TANC2: variants seen among roughly 807,000 people sequenced by gnomAD.
TANC2 encodes the protein protein TANC2.
In TANC2, 26 loss-of-function variants were observed where a neutral mutation model predicts 210.5. The ratio of observed to expected loss-of-function variants is 0.12; its 90% confidence interval spans 0.09 to 0.17. The LOEUF is 0.17. Among genes scored for constraint, TANC2 ranks in the 10% least tolerant of loss-of-function variants. TANC2 has a pLI of 1.00. For synonymous variants in TANC2, 931 were observed against 967.1 expected, an observed-to-expected ratio of 0.96 and a Z score of 0.69; for missense variants, 2,129 against 2,608.9, an observed-to-expected ratio of 0.82 and a Z score of 4.01.
chr17:63,398,451 G>A (rs1599033334), intron 18 of TANC2, among the ~76,000 whole-genome samples: 2 of 146,726 alleles, frequency 1.4e-5, no homozygotes, highest in Non-Finnish European at 3.0e-5. Flanking sequence ...ACGAGACCCT[G>A]TCTCAAAAAA....
chr17:63,130,920 G>A (rs2038893949), intron 4 of TANC2: 1 of 152,108 alleles, frequency 6.6e-6, no homozygotes, highest in Non-Finnish European at 1.5e-5. Context: ...TGTTTTTCAG[G>A]AATCCAAAAA....
At chr17:63,349,787 A>G (rs2046537476) in intron 12 of TANC2, among the ~76,000 whole-genome samples, 1 of 152,196 alleles carries the variant, frequency 6.6e-6, no homozygotes, top group African/African-American at 2.4e-5. Context: ...TTCAAAATCA[A>G]GAACATAACA....
chr17:63,266,725 T>G (rs2043539882), intron 8 of TANC2, among the ~76,000 whole-genome samples: 1 of 152,192 alleles, frequency 6.6e-6, no homozygotes, highest in South Asian at 2.1e-4. Context: ...AAGTATTTGG[T>G]GGCAAAACAT....
intron 5 of TANC2, among the ~76,000 whole-genome samples, chr17:63,165,342 G>T (rs2040176608): frequency 6.6e-6 from 1 of 152,142 alleles, no homozygotes; most frequent in South Asian, 2.1e-4. Flanking sequence ...TCAAATTGGA[G>T]ATACCTGGTT....
intron 15 of TANC2, among the ~76,000 whole-genome samples, chr17:63,385,169 G>T (rs1306632377): frequency 1.3e-5 from 2 of 152,188 alleles, no homozygotes; most frequent in African/African-American, 4.8e-5. Context: ...CTGAATAAAT[G>T]TCAGATTTCC....
intron 15 of TANC2, among the ~76,000 whole-genome samples, chr17:63,387,146 G>GTT: frequency 6.6e-6 from 1 of 152,166 alleles, no homozygotes; most frequent in South Asian, 2.1e-4. Flanking sequence ...CACTGCACCT[G>GTT]GCTGAAAATA....
intron 5 of TANC2, among the ~76,000 whole-genome samples, chr17:63,178,439 T>C (rs928327291): frequency 1.3e-5 from 2 of 152,256 alleles, no homozygotes; most frequent in African/African-American, 4.8e-5. Context: ...GAGCTCAGTT[T>C]TGGAAGGATG....
chr17:63,126,369 G>A (rs185355057), intron 4 of TANC2, among the ~76,000 whole-genome samples: 1 of 152,158 alleles, frequency 6.6e-6, no homozygotes, highest in African/African-American at 2.4e-5. Flanking sequence ...GATGTTAAGA[G>A]CCTTTACTCA....
chr17:63,021,113 A>G (rs770652305), intron 2 of TANC2, among the ~76,000 whole-genome samples: 8 of 152,172 alleles, frequency 5.3e-5, no homozygotes, highest in Non-Finnish European at 1.2e-4. Context: ...TATCCAAACC[A>G]TGTCACTGGA....
At chr17:63,064,602 C>A (rs1273170046) in intron 2 of TANC2, among the ~76,000 whole-genome samples, 2 of 152,064 alleles carry the variant, frequency 1.3e-5, no homozygotes, top group Non-Finnish European at 2.9e-5. Flanking sequence ...ATGATAAACT[C>A]CTTATAGAGC....
chr17:63,190,705 A>C (rs910740102), intron 5 of TANC2, among the ~76,000 whole-genome samples: 2 of 152,168 alleles, frequency 1.3e-5, no homozygotes, highest in African/African-American at 4.8e-5. Flanking sequence ...CCAAACCATG[A>C]ACATGGAAAA....
intron 9 of TANC2, among the ~76,000 whole-genome samples, chr17:63,313,791 C>T (rs2045211852): frequency 6.6e-6 from 1 of 152,108 alleles, no homozygotes. Flanking sequence ...TTACTATTCT[C>T]ATTGGTGTTT....
intron 5 of TANC2, among the ~76,000 whole-genome samples, chr17:63,186,965 T>C (rs1340984748): frequency 4.6e-5 from 7 of 152,248 alleles, no homozygotes; most frequent in African/African-American, 1.7e-4. Context: ...AGTTACAGAA[T>C]TCCATTCAAG....
At chr17:63,257,118 G>T in intron 8 of TANC2, among the ~76,000 whole-genome samples, 1 of 142,828 alleles carries the variant, frequency 7.0e-6, no homozygotes. Flanking sequence ...TGTGTCTTTT[G>T]ATTGCAGAGT....
chr17:63,147,286 G>T (rs1196332611), intron 4 of TANC2, among the ~76,000 whole-genome samples: 1 of 151,990 alleles, frequency 6.6e-6, no homozygotes, highest in African/African-American at 2.4e-5. Context: ...GAGGTTGCAG[G>T]TTGCAGTGAC....
intron 9 of TANC2, among the ~76,000 whole-genome samples, chr17:63,281,594 A>G (rs930063373): frequency 3.9e-5 from 6 of 152,118 alleles, no homozygotes; most frequent in Admixed American, 2.6e-4. Flanking sequence ...TGAGAGGAAC[A>G]TAACAGAATC....
intron 11 of TANC2, among the ~76,000 whole-genome samples, chr17:63,323,863 G>A (rs1377749685): frequency 1.3e-5 from 2 of 152,162 alleles, no homozygotes; most frequent in Non-Finnish European, 2.9e-5. Context: ...TTACAAATGA[G>A]GAAATAGAGG....
chr17:62,985,192 A>G (rs2032506579), intron 1 of TANC2, among the ~76,000 whole-genome samples: 1 of 151,866 alleles, frequency 6.6e-6, no homozygotes, highest in Admixed American at 6.6e-5. Context: ...AGTAATTTCA[A>G]TATATCATCT....
At chr17:63,133,033 G>T (rs1389358883) in intron 4 of TANC2, among the ~76,000 whole-genome samples, 1 of 152,194 alleles carries the variant, frequency 6.6e-6, no homozygotes, top group African/African-American at 2.4e-5. Flanking sequence ...GAGGGCAGTG[G>T]CGCAATCTCG....
Sources: allele counts gnomAD v4.1 joint callset (sites outside exome capture counted in the v4.1 genomes callset), GRCh38; gene constraint gnomAD v4.1.1; transcripts MANE v1.5; gene names NCBI Gene and HGNC (gene_info 2026-07-23, HGNC 2026-07-21).